RBBP7: variants seen among roughly 807,000 people sequenced by gnomAD.
RBBP7 encodes the protein histone-binding protein RBBP7.
A neutral mutation model predicts 35.2 loss-of-function variants in RBBP7; 5 were observed. The observed-to-expected ratio is 0.14, with a 90% CI of 0.07 to 0.30. The LOEUF is 0.30. RBBP7 is among the 10% of genes least tolerant of loss of function. The pLI, the probability that RBBP7 is intolerant of heterozygous loss-of-function variation, is 1.00. For missense variants in RBBP7, 155 were observed against 327.5 expected (o/e 0.47, Z 4.07); for synonymous variants, 140 against 118.7 (o/e 1.18, Z -1.17).
chrX:16,849,145 A>C, intron 10 of RBBP7, 99 bp downstream of exon 10: 14 of 803,773 alleles, frequency 1.7e-5, no homozygotes, highest in South Asian at 2.9e-5. Flanking sequence ...ACCATCTGCA[A>C]GAGCTAGAAT....
chrX:16,870,059 G>C lies in RBBP7; in HGVS notation c.-6C>G. 1 of 1,083,203 alleles carries C rather than the reference G, an allele frequency of 9.2e-7. No individual in the cohort carries two copies. Among genetic ancestry groups the C allele is most frequent in the Non-Finnish European group, 1.2e-6 (1 of 821,933 alleles). The allele number at this position is 1,083,203 out of a possible 1,213,427, so 89.3% of individuals were successfully genotyped here. ...TTACTCTCTTTACTCGCCATCTTGC[G>C]TCGGGTCGTTCGCCCCTCGCCGCCG... On this transcript the variant is annotated 5_prime_UTR_variant, in exon 1 of 12. Coordinates refer to ENST00000380087, the MANE Select transcript of RBBP7 (RefSeq NM_002893.4).
At chrX:16,867,734 G>C (rs1037700592) in intron 2 of RBBP7, among the ~76,000 whole-genome samples, 1 of 111,135 alleles carries the variant, frequency 9.0e-6, no homozygotes, top group Non-Finnish European at 1.9e-5. Context: ...GTGCAGTGGT[G>C]CGATGTTGGC....
chrX:16,854,180 G>A (rs1477434358), intron 5 of RBBP7, among the ~76,000 whole-genome samples: 4 of 111,785 alleles, frequency 3.6e-5, no homozygotes, highest in African/African-American at 9.8e-5. Flanking sequence ...CACTGTGCCC[G>A]GTCAAGAGAT....
intron 10 of RBBP7, chrX:16,846,623 C>T (rs1050144275): frequency 3.6e-5 from 4 of 111,918 alleles, no homozygotes; most frequent in Admixed American, 9.5e-5. Flanking sequence ...GAGACAACCT[C>T]GTCGGAATGC....
At chrX:16,869,411 G>A in intron 1 of RBBP7, 191 bp from the exon 2 acceptor site, 2 of 1,093,607 alleles carry the variant, frequency 1.8e-6, no homozygotes, top group Non-Finnish European at 2.4e-6. Context: ...TTTCCATTGA[G>A]ATCAATACCC....
intron 10 of RBBP7, 133 bp from the exon 11 acceptor site, chrX:16,846,071 G>A (rs756959152): frequency 3.9e-6 from 4 of 1,036,026 alleles, no homozygotes; most frequent in Non-Finnish European, 5.1e-6. Flanking sequence ...AGGTGGTACA[G>A]GCTCAGTAAT....
At chrX:16,859,995 A>T (rs1336330107) in intron 3 of RBBP7, among the ~76,000 whole-genome samples, 2 of 110,777 alleles carry the variant, frequency 1.8e-5, no homozygotes, top group Non-Finnish European at 3.8e-5. Flanking sequence ...ATTACTCCAA[A>T]GCTCCTCTAC....
chrX:16,862,738 C>G, intron 3 of RBBP7, among the ~76,000 whole-genome samples: 1 of 111,465 alleles, frequency 9.0e-6, no homozygotes, highest in Non-Finnish European at 1.9e-5. Context: ...AACCAACTTT[C>G]TATGAACCAA....
At chrX:16,846,828 T>C (rs894011406) in intron 10 of RBBP7, 3 of 111,926 alleles carry the variant, frequency 2.7e-5, no homozygotes, top group Non-Finnish European at 5.6e-5. Context: ...AATAATCTTA[T>C]CGGGTTAAAA....
intron 9 of RBBP7, among the ~76,000 whole-genome samples, chrX:16,851,751 CAA>C (rs991025751): frequency 8.9e-6 from 1 of 112,683 alleles, no homozygotes; most frequent in African/African-American, 3.2e-5. Flanking sequence ...TTCTCTATAT[CAA>C]GTGTGTTTTA....
chrX:16,860,353 T>C (rs887230245), intron 3 of RBBP7, among the ~76,000 whole-genome samples: 3 of 110,994 alleles, frequency 2.7e-5, no homozygotes, highest in African/African-American at 9.9e-5. Context: ...ACTTAAAATT[T>C]TGAAAAGTCA....
At chrX:16,869,621 G>A (rs1446543645) in intron 1 of RBBP7, 1 of 1,160,443 alleles carries the variant, frequency 8.6e-7, no homozygotes, top group African/African-American at 1.8e-5. Context: ...CAGCTCCCAC[G>A]ACGCCCGCCT....
chrX:16,851,961 A>T, intron 9 of RBBP7, 85 bp downstream of exon 9: 1 of 800,037 alleles, frequency 1.2e-6, no homozygotes, highest in Non-Finnish European at 1.8e-6. Context: ...GGGATTACCA[A>T]ATTGCTTTTC....
Position 16,855,869 on chromosome X carries a change from C to T in RBBP7, c.597+1725G>A, listed in dbSNP as rs750233953. On this transcript the variant is annotated intron_variant, in intron 5 of 11. Transcript: ENST00000380087. ...AAAATTTGCTGGGTGTGGTGGTGGG[C>T]GCCTGTAGTCCCACCTACTTGACAG... Among the ~76,000 whole-genome samples, 134 of 107,351 alleles carry T rather than the reference C, an allele frequency of 1.2e-3. 1 individual carries two copies. The highest frequency in any genetic ancestry group is 4.5e-3 in the African/African-American group (133 of 29,399). 93.2% of individuals were successfully genotyped at this position (107,351 alleles called of 115,157 possible).
intron 3 of RBBP7, among the ~76,000 whole-genome samples, chrX:16,860,975 A>T (rs893818884): frequency 4.5e-5 from 5 of 111,323 alleles, no homozygotes; most frequent in Non-Finnish European, 7.5e-5. Context: ...GGAGTTCGAG[A>T]CCTGCCTGGC....
chrX:16,856,825 T>A (rs1448699604), intron 5 of RBBP7, among the ~76,000 whole-genome samples: 1 of 111,019 alleles, frequency 9.0e-6, no homozygotes, highest in Non-Finnish European at 1.9e-5. Context: ...CCAAGAGAAA[T>A]AAAAACATAC....
At chrX:16,856,050 T>G (rs1297952126) in intron 5 of RBBP7, among the ~76,000 whole-genome samples, 1 of 78,488 alleles carries the variant, frequency 1.3e-5, no homozygotes, top group Non-Finnish European at 2.6e-5. Context: ...TGGGAGAAAA[T>G]TTTTGAAAAT....
chrX:16,854,657 T>C (rs921210847), intron 5 of RBBP7, among the ~76,000 whole-genome samples: 1 of 110,172 alleles, frequency 9.1e-6, no homozygotes, highest in East Asian at 2.9e-4. Context: ...TAAACGACAC[T>C]GGGCCAGAAA....
intron 3 of RBBP7, among the ~76,000 whole-genome samples, chrX:16,859,792 T>C (rs940626660): frequency 1.8e-5 from 2 of 111,072 alleles, no homozygotes; most frequent in African/African-American, 6.6e-5. Context: ...AGGTAAGAAG[T>C]AAAATAGACC....
Sources: gnomAD v4.1 joint callset for allele counts (sites outside exome capture counted in the v4.1 genomes callset) on GRCh38, gnomAD v4.1.1 for gene constraint, MANE v1.5 for transcripts, NCBI Gene and HGNC (gene_info 2026-07-23, HGNC 2026-07-21) for gene names.